The following SLC12A1 variants were observed in gnomAD, a reference collection of about 807,000 sequenced individuals.
SLC12A1 encodes the protein solute carrier family 12 member 1.
SLC12A1 carries 89 observed loss-of-function variants against 130.4 expected under a neutral mutation model. The ratio of observed to expected loss-of-function variants is 0.68; its 90% CI spans 0.58 to 0.81. The LOEUF is 0.81. Ranked by LOEUF, SLC12A1 falls within the 40% of genes least tolerant of loss-of-function variation. SLC12A1 has a pLI of 0.00. For synonymous variants in SLC12A1, 499 were observed against 460.0 expected (o/e 1.08, Z -1.09); for missense variants, 1,310 against 1,336.4 (o/e 0.98, Z 0.31).
In SLC12A1 at chr15:48,260,667, A is replaced by G. The variant is rs144650226; in HGVS notation, c.2154+1356A>G. 4.9e-3 allele frequency among the ~76,000 whole-genome samples: 742 copies of G among 152,232 alleles called. 8 individuals are homozygous for G. Among genetic ancestry groups the G allele is most frequent in the Middle Eastern group, 0.044 (13 of 294 alleles). ...GTGCTAAGTGTCACGCCTTGAGGAGAAAGCCTTAGCACACTTGCATCCTTG... is the reference window on the plus strand; with the variant it reads ...GTGCTAAGTGTCACGCCTTGAGGAGGAAGCCTTAGCACACTTGCATCCTTG... On this transcript the variant is annotated intron_variant, in intron 17 of 26. Coordinates refer to ENST00000380993, the MANE Select transcript of SLC12A1 (RefSeq NM_000338.3).
At chr15:48,232,927 G>A (rs1597412860) in intron 8 of SLC12A1, 89 bp downstream of exon 8, 2 of 764,306 alleles carry the variant, frequency 2.6e-6, no homozygotes, top group East Asian at 4.9e-5. Flanking sequence ...CCAGCCTTCG[G>A]AATGCCTGGC....
At chr15:48,217,991 G>C (rs962911500) in intron 2 of SLC12A1, 1 of 151,942 alleles carries the variant, frequency 6.6e-6, no homozygotes, top group Admixed American at 6.6e-5. Context: ...TCTATTTTCT[G>C]TAGAGATAGG....
chr15:48,237,944 A>G (rs1774767964), intron 9 of SLC12A1, among the ~76,000 whole-genome samples: 1 of 152,238 alleles, frequency 6.6e-6, no homozygotes, highest in African/African-American at 2.4e-5. Context: ...TGGACAAGAG[A>G]TGGCATGGGC....
intron 16 of SLC12A1, among the ~76,000 whole-genome samples, chr15:48,258,483 T>C (rs1461812820): frequency 2.0e-5 from 3 of 152,072 alleles, no homozygotes; most frequent in Non-Finnish European, 4.4e-5. Flanking sequence ...AGCATTTTGG[T>C]CAAAGCCATT....
rs74011997 is a variant in SLC12A1 at position 48,301,722 on chromosome 15, C to T, written c.3164+340C>T. Among the ~76,000 whole-genome samples, 1,490 of 152,208 alleles carry T rather than the reference C, an allele frequency of 9.8e-3. 29 individuals carry two copies. Among genetic ancestry groups the T allele is most frequent in the African/African-American group, 0.032 (1,315 of 41,520 alleles). ...GCCACAAGTCAGCGACCACAGCTCA[C>T]GGGCCCCTTCCCTGAGTGGATGTCC... On this transcript the variant is annotated intron_variant, in intron 26 of 26. Transcript: ENST00000380993.
intron 13 of SLC12A1, 60 bp downstream of exon 13, chr15:48,247,520 G>A (rs960169338): frequency 1.5e-6 from 2 of 1,317,030 alleles, no homozygotes; most frequent in Non-Finnish European, 2.1e-6. Context: ...TATTCATAGG[G>A]CTTTCCTTTT....
Position 48,247,377 on chromosome 15 carries a change from T to G in SLC12A1, c.1601T>G (p.Phe534Cys), listed in dbSNP as rs1408386727. 1 of 1,613,498 alleles carries G rather than the reference T, an allele frequency of 6.2e-7. No homozygotes were observed. The highest frequency in any genetic ancestry group is 8.5e-7 in the Non-Finnish European group (1 of 1,179,580). ...KDNIYKALQF[F>C]AKGYGKNNEP... ...AACATCTACAAAGCCCTGCAGTTTTTTGCAAAGGGATATGGGAAAAACAAT... is the reference window on the plus strand; with the variant it reads ...AACATCTACAAAGCCCTGCAGTTTTGTGCAAAGGGATATGGGAAAAACAAT... The change falls in exon 13 of 27, where the codon TTT (phenylalanine) becomes TGT (cysteine). Residue 534 changes from phenylalanine (F) to cysteine (C), a missense_variant. Transcript: ENST00000380993.
At chr15:48,222,912 C>T (rs908155579) in intron 4 of SLC12A1, 6 of 152,176 alleles carry the variant, frequency 3.9e-5, no homozygotes, top group Non-Finnish European at 5.9e-5. Flanking sequence ...TTCTGGGCTA[C>T]GAGTTTTGGC....
intron 20 of SLC12A1, among the ~76,000 whole-genome samples, chr15:48,280,695 T>C (rs1180265275): frequency 1.3e-5 from 2 of 152,120 alleles, no homozygotes; most frequent in Admixed American, 1.3e-4. Context: ...TCCCCTCTCC[T>C]TCCCCACTTG....
At chr15:48,229,426 GA>G (rs1567311320) in intron 6 of SLC12A1, 98 bp downstream of exon 6, 18 of 1,238,388 alleles carry the variant, frequency 1.5e-5, no homozygotes, top group Admixed American at 2.4e-5. Context: ...TAAATGAGAG[GA>G]AAAAAGTTAA....
chr15:48,275,983 C>A (rs1289214192), intron 20 of SLC12A1, among the ~76,000 whole-genome samples: 2 of 152,248 alleles, frequency 1.3e-5, no homozygotes, highest in Middle Eastern at 3.4e-3. Context: ...CTACAATAAT[C>A]AAACAAGACA....
Position 48,244,881 on chromosome 15 carries a change from T to A in SLC12A1, c.1429T>A (p.Tyr477Asn), listed in dbSNP as rs747267702. 3 of 1,614,012 alleles carry A rather than the reference T, an allele frequency of 1.9e-6. No homozygotes were observed. The highest frequency in any genetic ancestry group is 2.5e-6 in the Non-Finnish European group (3 of 1,179,876). Residue 477 changes from tyrosine to asparagine, a missense_variant, in exon 11 of 27, where the codon TAC becomes AAC. Coordinates refer to ENST00000380993, the MANE Select transcript of SLC12A1 (RefSeq NM_000338.3). The part of the protein sequence containing the change: ...FSRCRHEPCQ[Y>N]GLMNNFQVMS... ...AAGATGTCGACATGAACCATGTCAGTACGGGCTGATGAACAATTTCCAGGT... is the reference window on the plus strand; with the variant it reads ...AAGATGTCGACATGAACCATGTCAGAACGGGCTGATGAACAATTTCCAGGT...
chr15:48,217,127 C>A (rs2041131748), intron 2 of SLC12A1, among the ~76,000 whole-genome samples: 1 of 152,052 alleles, frequency 6.6e-6, no homozygotes, highest in Non-Finnish European at 1.5e-5. Context: ...TATAGATATT[C>A]TATTAAGTAA....
At position 48,285,271 on chromosome 15, in the gene SLC12A1, C is replaced by CA. The variant is rs771062030; in HGVS notation, c.2629+28dup. The CA allele has an allele frequency of 3.1e-6, 5 of 1,608,364 alleles. No individual in the cohort carries two copies. In the Admixed American group the frequency reaches 5.1e-5, roughly 16 times the overall value. On this transcript the variant is annotated intron_variant, in intron 21 of 26. Coordinates refer to ENST00000380993, the MANE Select transcript of SLC12A1 (RefSeq NM_000338.3). ...AAAGGTAAGAACTTTTTAAAATTTG[C>CA]AAAAAAGTTTACAAGATGAGTCACT...
At chr15:48,267,770 C>A in intron 18 of SLC12A1, 69 bp downstream of exon 18, 1 of 1,531,256 alleles carries the variant, frequency 6.5e-7, no homozygotes, top group Non-Finnish European at 9.0e-7. Flanking sequence ...ATAAGGCTCC[C>A]AAAGTGAACA....
At position 48,217,261 on chromosome 15, in the gene SLC12A1, A is replaced by C. The variant is rs527282924; in HGVS notation, c.421-3373A>C. 1.3e-4 allele frequency among the ~76,000 whole-genome samples: 20 copies of C among 152,348 alleles called. No homozygotes were observed. In the East Asian group the frequency reaches 3.1e-3, roughly 23 times the overall value. On this transcript the variant is annotated intron_variant, in intron 2 of 26. Transcript: ENST00000380993. ...TTCTCCAAAGATTAAGTATATCTTTAAAATGTAAGGGTCCATCTCTAAACC... is the reference window on the plus strand; with the variant it reads ...TTCTCCAAAGATTAAGTATATCTTTCAAATGTAAGGGTCCATCTCTAAACC...
intron 9 of SLC12A1, 111 bp from the exon 10 acceptor site, chr15:48,241,404 C>G: frequency 2.4e-6 from 2 of 834,002 alleles, no homozygotes; most frequent in Admixed American, 1.8e-5. Flanking sequence ...TTTCTTAGAA[C>G]TTGCCTCAGG....
At chr15:48,272,407 A>G (rs1437482734) in intron 19 of SLC12A1, among the ~76,000 whole-genome samples, 1 of 139,870 alleles carries the variant, frequency 7.1e-6, no homozygotes, top group Non-Finnish European at 1.5e-5. Context: ...ATTCTTAAGT[A>G]TGGTTTAGTT....
intron 19 of SLC12A1, among the ~76,000 whole-genome samples, chr15:48,274,361 T>A (rs1175897378): frequency 6.6e-6 from 1 of 152,214 alleles, no homozygotes; most frequent in Admixed American, 6.5e-5. Flanking sequence ...CTAAAGTGAA[T>A]AATTTAGTTA....
Sources: gnomAD v4.1 joint callset for allele counts (sites outside exome capture counted in the v4.1 genomes callset) on GRCh38, gnomAD v4.1.1 for gene constraint, MANE v1.5 for transcripts, NCBI Gene and HGNC (gene_info 2026-07-23, HGNC 2026-07-21) for gene names.